The following BCR variants were observed in gnomAD, a reference collection of about 807,000 sequenced individuals.
BCR encodes BCR activator of RhoGEF and GTPase.
In BCR, 58 loss-of-function variants were observed where a neutral mutation model predicts 138.6. That is an observed-to-expected ratio of 0.42 (90% CI 0.34 to 0.52). The LOEUF is 0.52. Among genes scored for constraint, BCR ranks in the 20% least tolerant of loss-of-function variants. The pLI, the probability that BCR is intolerant of heterozygous loss-of-function variation, is 0.06. For synonymous variants in BCR, 786 were observed against 730.1 expected (o/e 1.08, Z -1.23); for missense variants, 1,599 against 1,727.2 (o/e 0.93, Z 1.32).
intron 1 of BCR, among the ~76,000 whole-genome samples, chr22:23,185,538 G>A (rs986337533): frequency 2.0e-5 from 3 of 151,540 alleles, no homozygotes; most frequent in Non-Finnish European, 2.9e-5. Flanking sequence ...GGTGGCCGGC[G>A]CCTGTAGTCC....
At chr22:23,186,576 GCCATTCT>G (rs895607454) in intron 1 of BCR, among the ~76,000 whole-genome samples, 4 of 152,162 alleles carry the variant, frequency 2.6e-5, no homozygotes, top group African/African-American at 9.7e-5. Flanking sequence ...CCCTGGCACT[GCCATTCT>G]CCATCTGTGT....
chr22:23,221,599 C>T (rs1026460324), intron 1 of BCR, among the ~76,000 whole-genome samples: 1 of 152,224 alleles, frequency 6.6e-6, no homozygotes, highest in African/African-American at 2.4e-5. Flanking sequence ...TCACACTGCT[C>T]AGTGCTTCTT....
intron 11 of BCR, among the ~76,000 whole-genome samples, chr22:23,287,538 T>G (rs945840565): frequency 5.9e-5 from 9 of 152,208 alleles, no homozygotes; most frequent in Non-Finnish European, 1.2e-4. Context: ...CTAGCAGGTT[T>G]GTGCAGATCT....
Position 23,206,208 on chromosome 22 carries a change from A to T in BCR, c.1279+23969A>T, listed in dbSNP as rs549332205. ...ATGAGCTAATAATCGTTGAAGCCAA[A>T]TGATGGGGTAATGGGCATTCATGAT... On this transcript the variant is annotated intron_variant, in intron 1 of 22. Transcript: ENST00000305877. Among the ~76,000 whole-genome samples, 7 of 152,336 alleles carry T rather than the reference A, an allele frequency of 4.6e-5. No homozygotes were observed. In the East Asian group the frequency reaches 1.4e-3, roughly 29 times the overall value.
intron 1 of BCR, chr22:23,198,234 G>C (rs1471079733): frequency 4.6e-6 from 2 of 432,792 alleles, no homozygotes; most frequent in Admixed American, 5.2e-5. Flanking sequence ...AGGTGGGTGG[G>C]GATTCAGGAT....
intron 15 of BCR, among the ~76,000 whole-genome samples, chr22:23,294,738 C>T (rs1443853133): frequency 6.6e-6 from 1 of 152,178 alleles, no homozygotes; most frequent in Non-Finnish European, 1.5e-5. Context: ...GATTGTGAGG[C>T]AGGTGGTGTG....
chr22:23,260,892 T>A, intron 2 of BCR, 58 bp from the exon 3 acceptor site: 2 of 1,508,108 alleles, frequency 1.3e-6, no homozygotes, highest in South Asian at 2.3e-5. Flanking sequence ...CAGAGGGCCC[T>A]GATGGAAGAA....
chr22:23,271,696 C>A, intron 6 of BCR, 104 bp downstream of exon 6: 3 of 1,081,820 alleles, frequency 2.8e-6, no homozygotes, highest in East Asian at 4.9e-5. Flanking sequence ...TTGGGTCATC[C>A]CTTGGTGCCT....
At chr22:23,209,428 T>C (rs555488135) in intron 1 of BCR, among the ~76,000 whole-genome samples, 57 of 152,336 alleles carry the variant, frequency 3.7e-4, no homozygotes, top group African/African-American at 1.4e-3. Flanking sequence ...ATTTTGTTTA[T>C]CCATCTCTCT....
intron 1 of BCR, among the ~76,000 whole-genome samples, chr22:23,229,236 C>T (rs145340772): frequency 3.7e-3 from 560 of 152,070 alleles, no homozygotes; most frequent in Middle Eastern, 0.014. Context: ...CTGAGAAGGC[C>T]TGTCTTTTTA....
In BCR at chr22:23,233,810, AAAG is replaced by A. The variant is rs1393316809; in HGVS notation, c.1280-19986_1280-19984del. Among the ~76,000 whole-genome samples, 20 of 98,412 alleles carry A rather than the reference AAAG, an allele frequency of 2.0e-4. No homozygotes were observed. The East Asian group carries it at 8.0e-3, about 39-fold the overall frequency. The allele number at this position is 98,412 out of a possible 152,430, so 64.6% of individuals were successfully genotyped here. ...GTCTCAAAAAAAAAAAAAAGAAAAA[AAAG>A]AAAAAAAAAAAGAAGAACATGGTGA... On this transcript the variant is annotated intron_variant, in intron 1 of 22. Transcript: ENST00000305877.
chr22:23,233,194 T>C lies in BCR; in HGVS notation c.1280-20605T>C, dbSNP rs2072978190. On this transcript the variant is annotated intron_variant, in intron 1 of 22. Coordinates refer to ENST00000305877, the MANE Select transcript of BCR (RefSeq NM_004327.4). ...AGAGTCCCCTGTGGGCCCCAGTGCC[T>C]GTAGTTCCATCTCCTGCCTGGATGC... Among the ~76,000 whole-genome samples, 3 of 152,194 alleles carry C rather than the reference T, an allele frequency of 2.0e-5. No homozygotes were observed. In the South Asian group the frequency reaches 6.2e-4, roughly 32 times the overall value.
chr22:23,263,205 C>G (rs1159307766), intron 4 of BCR: 1 of 926,506 alleles, frequency 1.1e-6, no homozygotes, highest in Non-Finnish European at 1.6e-6. Flanking sequence ...GGCTGCGGGG[C>G]CAGCGCTCTG....
At chr22:23,298,823 C>T (rs1424587222) in intron 16 of BCR, among the ~76,000 whole-genome samples, 1 of 152,172 alleles carries the variant, frequency 6.6e-6, no homozygotes, top group Non-Finnish European at 1.5e-5. Flanking sequence ...GTCTCGAACT[C>T]CTGACCTCCA....
rs193078603 is a variant in BCR at position 23,282,702 on chromosome 22, G to C, written c.2116-1275G>C. ...AGAGCACAAGGCCTCATCACTTCTC[G>C]AGATGAGGACAGGTGCACCGCCTGC... On this transcript the variant is annotated intron_variant, in intron 8 of 22. Transcript: ENST00000305877. Among the ~76,000 whole-genome samples, 35 of 152,302 alleles carry C rather than the reference G, an allele frequency of 2.3e-4. No individual in the cohort carries two copies. In the East Asian group the frequency reaches 6.8e-3, roughly 29 times the overall value.
Position 23,288,187 on chromosome 22 carries a change from T to G in BCR, c.2602+15T>G, listed in dbSNP as rs2073739857. On this transcript the variant is annotated intron_variant, in intron 12 of 22. Transcript: ENST00000305877. The stretch of plus-strand genomic sequence containing the variant: ...GCAGAAGAAGTGTGAGTATCCTCTG[T>G]CCTGAGAGGGGCTGGGCTTCAAACC... 1.9e-6 allele frequency: 3 copies of G among 1,610,964 alleles called. No homozygotes were observed. Among genetic ancestry groups the G allele is most frequent in the Non-Finnish European group, 2.5e-6 (3 of 1,177,234 alleles).
chr22:23,248,851 C>T (rs1462134520), intron 1 of BCR, among the ~76,000 whole-genome samples: 1 of 152,202 alleles, frequency 6.6e-6, no homozygotes, highest in Non-Finnish European at 1.5e-5. Flanking sequence ...AACCTCAGTC[C>T]TGCCAAGGGT....
At chr22:23,206,588 A>G (rs2072617055) in intron 1 of BCR, among the ~76,000 whole-genome samples, 1 of 152,162 alleles carries the variant, frequency 6.6e-6, no homozygotes, top group South Asian at 2.1e-4. Flanking sequence ...AAAAAAAAAA[A>G]AAAAGTTAAG....
intron 1 of BCR, among the ~76,000 whole-genome samples, chr22:23,238,316 A>G (rs2073048562): frequency 6.6e-6 from 1 of 152,146 alleles, no homozygotes; most frequent in African/African-American, 2.4e-5. Context: ...CCATGTGCAC[A>G]GATTTTCCGG....
Sources: allele counts gnomAD v4.1 joint callset (sites outside exome capture counted in the v4.1 genomes callset), GRCh38; gene constraint gnomAD v4.1.1; transcripts MANE v1.5; gene names NCBI Gene and HGNC (gene_info 2026-07-23, HGNC 2026-07-21).